Variants in TJP1 observed in about 807,000 individuals in gnomAD.
TJP1 encodes the protein tight junction protein 1, also known as tight junction protein ZO-1.
In TJP1, 43 loss-of-function variants were observed where a neutral mutation model predicts 194.2. The ratio of observed to expected loss-of-function variants is 0.22; its 90% CI spans 0.17 to 0.29. TJP1 has a LOEUF of 0.29. TJP1 is among the 10% of genes least tolerant of loss of function. The probability of loss-of-function intolerance (pLI) is 1.00; values close to 1 mark genes in which losing one functional copy is unlikely to be tolerated. For synonymous variants in TJP1, 801 were observed against 779.0 expected (o/e 1.03, Z -0.47); for missense variants, 1,971 against 2,185.7 (o/e 0.90, Z 1.96).
At chr15:29,809,553 A>G (rs1352977697) in intron 1 of TJP1, among the ~76,000 whole-genome samples, 1 of 152,174 alleles carries the variant, frequency 6.6e-6, no homozygotes, top group Non-Finnish European at 1.5e-5. Context: ...CAATTAGAAA[A>G]CACTAAACAT....
intron 16 of TJP1, 86 bp from the exon 17 acceptor site, chr15:29,727,077 G>T: frequency 8.3e-7 from 1 of 1,200,300 alleles, no homozygotes; most frequent in Non-Finnish European, 1.2e-6. Flanking sequence ...AGTGGCTCAC[G>T]CTACGCCTAT....
At chr15:29,704,422 T>C in intron 26 of TJP1, 117 bp from the exon 27 acceptor site, 3 of 1,292,796 alleles carry the variant, frequency 2.3e-6, no homozygotes, top group East Asian at 2.6e-5. Flanking sequence ...GTTAGTTCTC[T>C]ACAGTCGCAC....
chr15:29,920,037 C>T (rs1228298125), intron 2 of TJP1, among the ~76,000 whole-genome samples: 3 of 152,174 alleles, frequency 2.0e-5, no homozygotes, highest in Non-Finnish European at 1.5e-5. Flanking sequence ...ACTTACACTG[C>T]TCTTTCTGTG....
intron 2 of TJP1, among the ~76,000 whole-genome samples, chr15:29,870,370 G>C (rs1475610697): frequency 6.6e-6 from 1 of 152,308 alleles, no homozygotes; most frequent in East Asian, 1.9e-4. Flanking sequence ...GGTTAGTCCT[G>C]TGTGTAAAAA....
intron 2 of TJP1, among the ~76,000 whole-genome samples, chr15:29,890,006 T>C (rs1342245427): frequency 6.6e-6 from 1 of 152,226 alleles, no homozygotes; most frequent in Non-Finnish European, 1.5e-5. Context: ...TGCTCAAAAG[T>C]TGCCTTTCCC....
chr15:29,943,225 A>G (rs1449828289), intron 2 of TJP1, among the ~76,000 whole-genome samples: 2 of 152,208 alleles, frequency 1.3e-5, no homozygotes, highest in Non-Finnish European at 2.9e-5. Context: ...TTTTTAAAAC[A>G]TGCATTCAGT....
At chr15:29,775,982 G>C (rs75770131) in intron 2 of TJP1, among the ~76,000 whole-genome samples, 5 of 152,090 alleles carry the variant, frequency 3.3e-5, no homozygotes, top group African/African-American at 1.2e-4. Flanking sequence ...GACAGCCTCA[G>C]TACAATATAT....
chr15:29,935,244 T>C (rs181002186), intron 2 of TJP1, among the ~76,000 whole-genome samples: 2 of 152,320 alleles, frequency 1.3e-5, no homozygotes, highest in African/African-American at 4.8e-5. Context: ...CTTTCAAGCG[T>C]TCCTTATTCT....
intron 2 of TJP1, among the ~76,000 whole-genome samples, chr15:29,941,784 C>G (rs1460248018): frequency 6.6e-6 from 1 of 152,122 alleles, no homozygotes; most frequent in African/African-American, 2.4e-5. Context: ...TAGATTGTGA[C>G]CATTTTAAAG....
At chr15:29,757,082 G>GA (rs761188760) in intron 8 of TJP1, among the ~76,000 whole-genome samples, 20 of 152,126 alleles carry the variant, frequency 1.3e-4, no homozygotes, top group Non-Finnish European at 2.6e-4. Flanking sequence ...TGGGGATGCT[G>GA]AAACACAGAG....
intron 5 of TJP1, among the ~76,000 whole-genome samples, 178 bp from the exon 6 acceptor site, chr15:29,762,616 A>G (rs2046078476): frequency 6.6e-6 from 1 of 152,196 alleles, no homozygotes; most frequent in Non-Finnish European, 1.5e-5. Context: ...CAAGTCTGCA[A>G]TGTCTCCGTG....
chr15:29,939,498 C>G (rs970418988), intron 2 of TJP1, among the ~76,000 whole-genome samples: 13 of 152,164 alleles, frequency 8.5e-5, no homozygotes, highest in African/African-American at 3.1e-4. Flanking sequence ...ATTTCCCAAG[C>G]CTGTACTCTG....
At chr15:29,917,521 G>A (rs2152241021) in intron 2 of TJP1, among the ~76,000 whole-genome samples, 1 of 152,296 alleles carries the variant, frequency 6.6e-6, no homozygotes, top group South Asian at 2.1e-4. Context: ...GAATACAGAA[G>A]TAGTTATAGG....
chr15:29,756,229 GTC>G (rs1368435167), intron 8 of TJP1, among the ~76,000 whole-genome samples: 1 of 152,126 alleles, frequency 6.6e-6, no homozygotes, highest in East Asian at 1.9e-4. Flanking sequence ...TACAGCCCAA[GTC>G]TTGGCCCAGA....
At chr15:29,950,147 A>T (rs1442239312) in intron 2 of TJP1, among the ~76,000 whole-genome samples, 1 of 97,084 alleles carries the variant, frequency 1.0e-5, no homozygotes, top group African/African-American at 4.2e-5. Flanking sequence ...CACCACAACC[A>T]CCACCTCCAC....
chr15:29,815,827 C>A (rs1325701193), intron 1 of TJP1, among the ~76,000 whole-genome samples: 4 of 152,062 alleles, frequency 2.6e-5, no homozygotes, highest in Non-Finnish European at 5.9e-5. Flanking sequence ...GGTCTCTAAA[C>A]AGAAAAGAGA....
chr15:29,894,806 C>G (rs938140580), intron 2 of TJP1, among the ~76,000 whole-genome samples: 4 of 152,242 alleles, frequency 2.6e-5, no homozygotes, highest in African/African-American at 9.6e-5. Flanking sequence ...AGCTTGTGCA[C>G]TCTGCATACC....
At chr15:29,860,783 C>G (rs2052049748) in intron 2 of TJP1, among the ~76,000 whole-genome samples, 1 of 152,150 alleles carries the variant, frequency 6.6e-6, no homozygotes, top group South Asian at 2.1e-4. Context: ...CACTGAGTTT[C>G]TTAAATGGAA....
intron 2 of TJP1, among the ~76,000 whole-genome samples, chr15:29,864,265 G>T (rs76324519): frequency 3.2e-5 from 2 of 62,124 alleles, no homozygotes; most frequent in Non-Finnish European, 6.4e-5. Context: ...AAAAAAAAAA[G>T]CTGGGTGTGG....
Sources: gnomAD v4.1 joint callset for allele counts (sites outside exome capture counted in the v4.1 genomes callset) on GRCh38, gnomAD v4.1.1 for gene constraint, MANE v1.5 for transcripts, NCBI Gene and HGNC (gene_info 2026-07-23, HGNC 2026-07-21) for gene names.